PI4KA: variants seen among roughly 807,000 people sequenced by gnomAD.
PI4KA encodes the protein PI4-kinase alpha.
In PI4KA, 122 loss-of-function variants were observed where a neutral mutation model predicts 271.4. The observed-to-expected ratio is 0.45, with a 90% CI of 0.39 to 0.52. PI4KA has a LOEUF of 0.52. Ranked by LOEUF, PI4KA falls within the 20% of genes least tolerant of loss-of-function variation. The pLI is 0.00. For missense variants in PI4KA, 1,969 were observed against 2,769.1 expected (o/e 0.71, Z 6.48); for synonymous variants, 1,041 against 1,078.8 (o/e 0.96, Z 0.69).
At chr22:20,837,161 C>T (rs192110643) in intron 2 of PI4KA, among the ~76,000 whole-genome samples, 64 of 152,180 alleles carry the variant, frequency 4.2e-4, no homozygotes, top group African/African-American at 1.5e-3. Flanking sequence ...GGCCTAGGCA[C>T]GAGGATCACT....
chr22:20,748,381 G>A (rs183081189), intron 28 of PI4KA, among the ~76,000 whole-genome samples: 40 of 152,336 alleles, frequency 2.6e-4, no homozygotes, highest in African/African-American at 9.1e-4. Context: ...GTGGAGCCTC[G>A]GTTCTCTACT....
chr22:20,775,150 C>T (rs1356120494), intron 19 of PI4KA, among the ~76,000 whole-genome samples: 2 of 151,902 alleles, frequency 1.3e-5, no homozygotes, highest in African/African-American at 4.8e-5. Flanking sequence ...AAAGGCCAAC[C>T]CAGCTCTGGC....
At chr22:20,719,941 G>T (rs1286761161) in intron 43 of PI4KA, among the ~76,000 whole-genome samples, 3 of 149,610 alleles carry the variant, frequency 2.0e-5, no homozygotes, top group Non-Finnish European at 4.4e-5. Flanking sequence ...CAGGAGAATG[G>T]CGTGAACCTG....
At chr22:20,776,006 T>C (rs1933241859) in intron 19 of PI4KA, among the ~76,000 whole-genome samples, 1 of 152,154 alleles carries the variant, frequency 6.6e-6, no homozygotes. Flanking sequence ...CCCAGTTCTA[T>C]TTGCAGCTAC....
At chr22:20,761,769 G>A (rs1161506888) in intron 22 of PI4KA, among the ~76,000 whole-genome samples, 2 of 152,162 alleles carry the variant, frequency 1.3e-5, no homozygotes, top group Non-Finnish European at 2.9e-5. Flanking sequence ...TATGTGAGCT[G>A]TTACAAAAAA....
chr22:20,711,366 G>C lies in PI4KA; in HGVS notation c.5898C>G (p.Asp1966Glu), dbSNP rs370336178. The change falls in exon 51 of 55, where the codon GAC becomes GAG. Residue 1966 changes from aspartate (D) to glutamate (E), a missense_variant. Transcript: ENST00000255882. ...CGATGTGGATGATATGACCCTTCTT[G>C]TCCAGCATAATGTTGCCGTTGTGTC... ...KDRHNGNIML[D>E]KKGHIIHIDF... The C allele has an allele frequency of 3.6e-6, 5 of 1,390,612 alleles. 2 individuals are homozygous for C. Among genetic ancestry groups the C allele is most frequent in the Non-Finnish European group, 5.0e-6 (5 of 1,006,484 alleles). 86.1% of individuals were successfully genotyped at this position (1,390,612 alleles called of 1,614,324 possible). A position where few individuals can be genotyped will look rare whatever the true frequency, so the allele number is the denominator to read the frequency against.
rs756338861 is a variant in PI4KA at position 20,765,168 on chromosome 22, G to A, written c.2506C>T (p.Pro836Ser). Residue 836 changes from proline to serine, a missense_variant, in exon 21 of 55, where the codon CCC (proline) becomes TCC (serine). By Grantham distance (74) the Pro-to-Ser change is moderately conservative (BLOSUM62 -1). Around this residue, in one of 13 missense-constraint regions of PI4KA, gnomAD observed 368 missense variants for 544.3 expected, o/e 0.68. Transcript: ENST00000255882. ...IATKSPLLTF[P>S]SKEPLRSVLQ... ...ACGGACCGCAGTGGCTCCTTGCTGG[G>A]AAAGGTGAGCAAGGGGGACTTAGTG... The A allele has an allele frequency of 5.6e-6, 9 of 1,613,360 alleles. No homozygotes were observed. Among genetic ancestry groups the A allele is most frequent in the Non-Finnish European group, 6.8e-6 (8 of 1,179,440 alleles).
chr22:20,837,792 C>T lies in PI4KA; in HGVS notation c.273+823G>A, dbSNP rs1264090375. 5.9e-5 allele frequency among the ~76,000 whole-genome samples: 9 copies of T among 152,052 alleles called. No individual in the cohort carries two copies. The East Asian group carries it at 1.7e-3, about 29-fold the overall frequency. ...CTATTTTTTTGTTGGAGCTACAGGGCTAGATTTTAAGTCCCTATTAAAAGG... is the reference window on the plus strand; with the variant it reads ...CTATTTTTTTGTTGGAGCTACAGGGTTAGATTTTAAGTCCCTATTAAAAGG... On this transcript the variant is annotated intron_variant, in intron 2 of 54. Coordinates refer to ENST00000255882, the MANE Select transcript of PI4KA (RefSeq NM_058004.4).
In PI4KA at chr22:20,854,854, TAAG is replaced by T. The variant is rs776271336; in HGVS notation, c.156+3713_156+3715del. 5.9e-5 allele frequency among the ~76,000 whole-genome samples: 9 copies of T among 152,126 alleles called. No individual in the cohort carries two copies. The East Asian group carries it at 1.7e-3, about 29-fold the overall frequency. ...GCGTACTCTAAAATTCCTTTACTCT[TAAG>T]AACAAGAAACTTGGCCGGGCGTGGT... On this transcript the variant is annotated intron_variant, in intron 1 of 54. Coordinates refer to ENST00000255882, the MANE Select transcript of PI4KA (RefSeq NM_058004.4).
intron 27 of PI4KA, among the ~76,000 whole-genome samples, chr22:20,750,905 A>G (rs1222154701): frequency 6.6e-6 from 1 of 152,180 alleles, no homozygotes; most frequent in Non-Finnish European, 1.5e-5. Flanking sequence ...ATGATCCCCT[A>G]TTACCACAAT....
rs370327089 is a variant in PI4KA, at chr22:20,779,430, C to T, written c.2329-13737G>A. On this transcript the variant is annotated intron_variant, in intron 19 of 54. Coordinates refer to ENST00000255882, the MANE Select transcript of PI4KA (RefSeq NM_058004.4). ...AGGGGAAACTGCTCAGTCTGCAGAT[C>T]CCCAGTGGGAGCAGTTAAATAACAA... is the stretch of plus-strand genomic sequence containing the variant. The T allele has an allele frequency of 4.5e-4, 729 of 1,614,202 alleles. 7 individuals carry two copies. In the South Asian group the frequency reaches 7.6e-3, roughly 17 times the overall value.
At chr22:20,788,540 C>G (rs944020247) in intron 19 of PI4KA, among the ~76,000 whole-genome samples, 1 of 152,222 alleles carries the variant, frequency 6.6e-6, no homozygotes, top group Admixed American at 6.5e-5. Context: ...GAATCCACAC[C>G]CAGGCAGGGG....
intron 1 of PI4KA, among the ~76,000 whole-genome samples, chr22:20,848,498 C>A (rs1157113243): frequency 6.6e-6 from 1 of 152,136 alleles, no homozygotes; most frequent in Non-Finnish European, 1.5e-5. Flanking sequence ...TACTAGCCAA[C>A]ATCAGGAAAG....
chr22:20,764,622 T>A, intron 22 of PI4KA, 195 bp downstream of exon 22: 1 of 528,018 alleles, frequency 1.9e-6, no homozygotes, highest in Non-Finnish European at 3.3e-6. Flanking sequence ...TACTGGGAGG[T>A]GTTACTATAC....
At chr22:20,754,661 A>G (rs529190607) in intron 23 of PI4KA, among the ~76,000 whole-genome samples, 1 of 152,296 alleles carries the variant, frequency 6.6e-6, no homozygotes, top group Non-Finnish European at 1.5e-5. Flanking sequence ...ACTTTTTAAA[A>G]AATGTTGGCC....
intron 29 of PI4KA, among the ~76,000 whole-genome samples, chr22:20,745,303 C>CA (rs1327925666): frequency 6.6e-6 from 1 of 152,198 alleles, no homozygotes; most frequent in Admixed American, 6.5e-5. Flanking sequence ...CCCAGGGCCT[C>CA]AGTGACCTGG....
intron 23 of PI4KA, among the ~76,000 whole-genome samples, chr22:20,758,064 T>G (rs1486113027): frequency 1.3e-5 from 2 of 152,146 alleles, no homozygotes; most frequent in South Asian, 2.1e-4. Flanking sequence ...ATTTGTAAAC[T>G]TAAACATTAT....
chr22:20,842,259 G>C (rs989927714), intron 1 of PI4KA, among the ~76,000 whole-genome samples: 8 of 152,040 alleles, frequency 5.3e-5, no homozygotes, highest in South Asian at 4.2e-4. Flanking sequence ...AATGAAAAAG[G>C]CTTGGAAATG....
rs1010991771 is a variant in PI4KA at position 20,742,243 on chromosome 22, A to G, written c.3726T>C (p.Asp1242=). 5 of 1,613,892 alleles carry G rather than the reference A, an allele frequency of 3.1e-6. No homozygotes were observed. The highest frequency in any genetic ancestry group is 4.2e-6 in the Non-Finnish European group (5 of 1,180,000). ...AGGGTCCTACCGGCACTTCCACTCC[A>G]TCCTTGCCAGCCAGCAGCCACTCCC... is the stretch of plus-strand genomic sequence containing the variant. ...ACWEWLLAGK[D]GVEVPFMREM... Residue 1242 remains aspartate (D), a synonymous_variant, in exon 32 of 55, where the codon GAT becomes GAC. Coordinates refer to ENST00000255882, the MANE Select transcript of PI4KA (RefSeq NM_058004.4).
Sources: allele counts gnomAD v4.1 joint callset (sites outside exome capture counted in the v4.1 genomes callset), GRCh38; gene constraint gnomAD v4.1.1; regional missense constraint gnomAD v4.1.1; transcripts MANE v1.5; gene names NCBI Gene and HGNC (gene_info 2026-07-23, HGNC 2026-07-21).